The following ARHGAP5 variants were observed in gnomAD, a reference collection of about 807,000 sequenced individuals.
The protein encoded by ARHGAP5 is rho GTPase-activating protein 5.
A neutral mutation model predicts 116.6 loss-of-function variants in ARHGAP5; 23 were observed. The observed-to-expected ratio is 0.20, with a 90% CI of 0.14 to 0.28. The LOEUF (loss-of-function observed/expected upper bound fraction) is 0.28, where lower values mean the gene tolerates loss of function less well. Among genes scored for constraint, ARHGAP5 ranks in the 10% least tolerant of loss-of-function variants. The pLI, the probability that ARHGAP5 is intolerant of heterozygous loss-of-function variation, is 1.00. For missense variants in ARHGAP5, 1,405 were observed against 1,774.8 expected, an observed-to-expected ratio of 0.79 and a Z score of 3.74; for synonymous variants, 574 against 602.0, an observed-to-expected ratio of 0.95 and a Z score of 0.68.
At chr14:32,128,438 G>A (rs909816965) in intron 3 of ARHGAP5, among the ~76,000 whole-genome samples, 7 of 152,270 alleles carry the variant, frequency 4.6e-5, no homozygotes, top group South Asian at 2.1e-4. Context: ...GGCGTGGCCC[G>A]CCTTGTCACC....
chr14:32,139,314 AATTC>A (rs1353782184), intron 3 of ARHGAP5, among the ~76,000 whole-genome samples: 4 of 152,110 alleles, frequency 2.6e-5, no homozygotes, highest in African/African-American at 9.7e-5. Flanking sequence ...GGTTTGGCAT[AATTC>A]ATCAGTGAAA....
chr14:32,151,873 C>T (rs1707459858), intron 5 of ARHGAP5, among the ~76,000 whole-genome samples: 1 of 152,062 alleles, frequency 6.6e-6, no homozygotes, highest in African/African-American at 2.4e-5. Context: ...TATAAAAAGG[C>T]TATAGTAATA....
chr14:32,105,240 G>A (rs1282166624), intron 2 of ARHGAP5, among the ~76,000 whole-genome samples: 1 of 152,122 alleles, frequency 6.6e-6, no homozygotes, highest in African/African-American at 2.4e-5. Context: ...CAGCCTCACC[G>A]TGATTGGGTA....
chr14:32,127,270 G>A (rs1318049934), intron 3 of ARHGAP5, among the ~76,000 whole-genome samples: 1 of 152,070 alleles, frequency 6.6e-6, no homozygotes, highest in Non-Finnish European at 1.5e-5. Context: ...AAGGTCAGCA[G>A]ATAAACATGT....
chr14:32,120,669 A>G (rs1879840758), intron 3 of ARHGAP5, among the ~76,000 whole-genome samples: 1 of 150,354 alleles, frequency 6.7e-6, no homozygotes, highest in Admixed American at 6.6e-5. Flanking sequence ...GTGGTTTTCC[A>G]CATCTTTTTT....
At chr14:32,085,235 C>G (rs2041816928) in intron 1 of ARHGAP5, among the ~76,000 whole-genome samples, 1 of 151,960 alleles carries the variant, frequency 6.6e-6, no homozygotes. Context: ...TGCTTGAGCC[C>G]AGGAGTTTGA....
rs957536089 is a variant in ARHGAP5 at position 32,157,709 on chromosome 14, T to G, written c.*2761T>G. 1 of 151,788 alleles carries G rather than the reference T, an allele frequency of 6.6e-6. No individual in the cohort carries two copies. The allele number at this position is 151,788 out of a possible 1,614,324, so 9.4% of individuals were successfully genotyped here. A position where few individuals can be genotyped will look rare whatever the true frequency, so the allele number is the denominator to read the frequency against. The stretch of plus-strand genomic sequence containing the variant: ...TATTTGTTAGTAGTGCTTCTTCCCC[T>G]TAACATTTACAGTGTAAATACTGCA... On this transcript the variant is annotated 3_prime_UTR_variant, in exon 7 of 7. Transcript: ENST00000345122.
chr14:32,152,993 G>T (rs1881710471), intron 6 of ARHGAP5, among the ~76,000 whole-genome samples: 1 of 149,678 alleles, frequency 6.7e-6, no homozygotes, highest in Non-Finnish European at 1.5e-5. Context: ...CTAATTTTTT[G>T]AAAAGTCTCC....
At chr14:32,117,088 A>G (rs1224750854) in intron 2 of ARHGAP5, 52 bp from the exon 3 acceptor site, 22 of 1,429,310 alleles carry the variant, frequency 1.5e-5, no homozygotes, top group East Asian at 2.4e-5. Flanking sequence ...GCTCATTACT[A>G]TTATTCTGAA....
chr14:32,131,351 T>C (rs1298404145), intron 3 of ARHGAP5, among the ~76,000 whole-genome samples: 1 of 152,068 alleles, frequency 6.6e-6, no homozygotes, highest in Non-Finnish European at 1.5e-5. Flanking sequence ...CAATTTATAA[T>C]TGTATTAAAA....
intron 2 of ARHGAP5, among the ~76,000 whole-genome samples, chr14:32,110,699 A>T (rs1325564447): frequency 1.3e-5 from 2 of 152,208 alleles, no homozygotes; most frequent in East Asian, 3.8e-4. Flanking sequence ...TGATGGTAGA[A>T]GCAGGGGATA....
intron 2 of ARHGAP5, among the ~76,000 whole-genome samples, chr14:32,107,486 C>T (rs754205895): frequency 1.3e-5 from 2 of 152,156 alleles, no homozygotes; most frequent in Non-Finnish European, 2.9e-5. Flanking sequence ...TTGCTTCTGT[C>T]AATGTTTACT....
At chr14:32,142,266 T>A (rs1881160421) in intron 3 of ARHGAP5, among the ~76,000 whole-genome samples, 1 of 152,192 alleles carries the variant, frequency 6.6e-6, no homozygotes, top group Non-Finnish European at 1.5e-5. Flanking sequence ...TCTCTAAATT[T>A]CTTTTTTTCC....
At chr14:32,146,362 A>G in intron 4 of ARHGAP5, 22 bp downstream of exon 4, 1 of 1,552,164 alleles carries the variant, frequency 6.4e-7, no homozygotes, top group Middle Eastern at 1.7e-4. Flanking sequence ...ATTATGTGAA[A>G]TAAAAATTGT....
rs561019429 is a variant in ARHGAP5, at chr14:32,132,796, G to C, written c.3866-13467G>C. On this transcript the variant is annotated intron_variant, in intron 3 of 6. Coordinates refer to ENST00000345122, the MANE Select transcript of ARHGAP5 (RefSeq NM_001030055.2). ...AAGGAAGGGATCCAGTTTCAGCTTT[G>C]TACATATGGCTAGCCAGTTTTCCCA... 3.1e-3 allele frequency among the ~76,000 whole-genome samples: 479 copies of C among 152,158 alleles called. 2 individuals carry two copies. Among genetic ancestry groups the C allele is most frequent in the Middle Eastern group, 0.014 (4 of 294 alleles).
At position 32,152,478 on chromosome 14, in the gene ARHGAP5, T is replaced by G. The variant is rs779924370; in HGVS notation, c.4131T>G (p.Phe1377Leu). ...CCTTGAAAGAAATTGTTAAGAAATTTCATCCTGTAAACTATGATGTATTCA... is the reference window on the plus strand; with the variant it reads ...CCTTGAAAGAAATTGTTAAGAAATTGCATCCTGTAAACTATGATGTATTCA... Reference protein sequence around the residue: ...LHALKEIVKKFHPVNYDVFRY... With the variant: ...LHALKEIVKKLHPVNYDVFRY... Residue 1377 changes from phenylalanine (F) to leucine (L), a missense_variant, in exon 6 of 7, where the codon TTT (phenylalanine) becomes TTG (leucine). Physicochemically the swap from Phe to Leu is conservative, Grantham distance 22. Coordinates refer to ENST00000345122, the MANE Select transcript of ARHGAP5 (RefSeq NM_001030055.2). 6.2e-7 allele frequency: 1 copy of G among 1,606,154 alleles called. No homozygotes were observed.
Position 32,092,376 on chromosome 14 carries a change from G to A in ARHGAP5, c.1707G>A (p.Glu569=). The A allele has an allele frequency of 6.2e-7, 1 of 1,613,460 alleles. No homozygotes were observed. Among genetic ancestry groups the A allele is most frequent in the Non-Finnish European group, 8.5e-7 (1 of 1,179,712 alleles). The change falls in exon 2 of 7, where the codon GAG becomes GAA. Residue 569 remains glutamate (E), a synonymous_variant. Transcript: ENST00000345122. The surrounding 1 kb of genome is among the most constrained non-coding windows in gnomAD (Gnocchi z 4.1). ...SGQNCTDIKV[E]QLLASSLLQL... is the part of the protein sequence containing the mutation. ...AAAATTGTACAGACATTAAAGTGGA[G>A]CAGTTACTTGCTAGTAGTCTTTTAC...
chr14:32,104,002 T>C (rs1878902421), intron 2 of ARHGAP5, among the ~76,000 whole-genome samples: 1 of 152,252 alleles, frequency 6.6e-6, no homozygotes, highest in African/African-American at 2.4e-5. Flanking sequence ...GAAATTGTTC[T>C]TAGCCTTTGA....
intron 2 of ARHGAP5, among the ~76,000 whole-genome samples, chr14:32,107,448 C>G (rs577961433): frequency 6.6e-6 from 1 of 152,184 alleles, no homozygotes; most frequent in African/African-American, 2.4e-5. Context: ...TGTGTGAAGG[C>G]TTTCCTCTGG....
Sources: gnomAD v4.1 joint callset for allele counts (sites outside exome capture counted in the v4.1 genomes callset) on GRCh38, gnomAD v4.1.1 for gene constraint, Gnocchi (gnomAD v3.1) non-coding constraint, MANE v1.5 for transcripts, NCBI Gene and HGNC (gene_info 2026-07-23, HGNC 2026-07-21) for gene names.